Variants in TMCO1 observed in about 807,000 individuals in gnomAD.
TMCO1 encodes transmembrane and coiled-coil domains 1, also known as calcium load-activated calcium channel.
In TMCO1, 29 loss-of-function variants were observed where a neutral mutation model predicts 29.3. The observed-to-expected ratio is 0.99, with a 90% CI of 0.74 to 1.35. The LOEUF (loss-of-function observed/expected upper bound fraction) is 1.35, where lower values mean the gene tolerates loss of function less well. TMCO1 is among the 40% of genes most tolerant of loss of function. The pLI, the probability that TMCO1 is intolerant of heterozygous loss-of-function variation, is 0.00. For missense variants in TMCO1, 173 were observed against 225.5 expected, an observed-to-expected ratio of 0.77 and a Z score of 1.49; for synonymous variants, 80 against 77.1, an observed-to-expected ratio of 1.04 and a Z score of -0.20.
In TMCO1 at chr1:165,756,728, A is replaced by G. The variant is rs1558040381; in HGVS notation, c.209-2454T>C. 1.3e-5 allele frequency among the ~76,000 whole-genome samples: 2 copies of G among 151,900 alleles called. 1 individual carries two copies. Among genetic ancestry groups the G allele is most frequent in the South Asian group, 4.1e-4 (2 of 4,828 alleles). The stretch of plus-strand genomic sequence containing the variant: ...ACATTTTGCTTCTCCGGAACACTGA[A>G]TATTGCTGGCTGCTTCCCTCTTACT... On this transcript the variant is annotated intron_variant, in intron 3 of 6. Coordinates refer to ENST00000367881, the MANE Select transcript of TMCO1 (RefSeq NM_019026.6).
chr1:165,739,784 T>C (rs920607060), intron 6 of TMCO1, among the ~76,000 whole-genome samples: 1 of 151,506 alleles, frequency 6.6e-6, no homozygotes, highest in Non-Finnish European at 1.5e-5. Flanking sequence ...TATTGATCCA[T>C]CACAAGTAAA....
At chr1:165,768,917 G>C (rs1652693001), upstream of TMCO1, 4 of 1,541,520 alleles carry the variant, frequency 2.6e-6, no homozygotes, top group Non-Finnish European at 3.5e-6. Flanking sequence ...CACCGGAAAG[G>C]CTCGTATCGG....
chr1:165,725,922 CTTT>C (rs1385500578), downstream of TMCO1: 1 of 631,586 alleles, frequency 1.6e-6, no homozygotes, highest in Non-Finnish European at 2.9e-6. Flanking sequence ...GTAATCTCTC[CTTT>C]TTAACTTCTC....
intron 6 of TMCO1, among the ~76,000 whole-genome samples, chr1:165,739,573 G>A (rs1366179852): frequency 6.6e-6 from 1 of 152,000 alleles, no homozygotes; most frequent in African/African-American, 2.4e-5. Context: ...ATTTTTTGTA[G>A]AGATGGGGTC....
downstream of TMCO1, chr1:165,726,709 T>C (rs1329279995): frequency 3.7e-5 from 17 of 454,034 alleles, no homozygotes; most frequent in Non-Finnish European, 5.7e-5. Flanking sequence ...CTGTTGACCA[T>C]TGTTTCTTGT....
intron 6 of TMCO1, 88 bp from the exon 7 acceptor site, chr1:165,728,209 T>C: frequency 2.0e-6 from 2 of 993,842 alleles, no homozygotes; most frequent in Non-Finnish European, 3.1e-6. Flanking sequence ...AGGGAACTCA[T>C]ACTCATATAG....
downstream of TMCO1, chr1:165,726,563 G>A (rs564460457): frequency 3.6e-5 from 17 of 468,262 alleles, no homozygotes; most frequent in African/African-American, 2.8e-4. Context: ...AACCTCCCCT[G>A]CCCCAGTTTC....
At position 165,728,027 on chromosome 1, in the gene TMCO1, G is replaced by C; in HGVS notation, c.563C>G (p.Ser188Cys). 1.2e-6 allele frequency: 2 copies of C among 1,605,378 alleles called. No homozygotes were observed. Among genetic ancestry groups the C allele is most frequent in the East Asian group, 2.3e-5 (1 of 44,326 alleles). ...GAAAATAAAGAGTTCTTGAGTTCAA[G>C]AGAACTTCCCAGAAGGAGGTGGTGG... The part of the protein sequence containing the change: ...LGPPPPSGKF[S>C] Residue 188 changes from serine to cysteine, a missense_variant, in exon 7 of 7, where the codon TCT (serine) becomes TGT (cysteine). Physicochemically the swap from Ser to Cys is moderately radical, Grantham distance 112. Coordinates refer to ENST00000367881, the MANE Select transcript of TMCO1 (RefSeq NM_019026.6).
chr1:165,753,920 T>C (rs1652092401), intron 4 of TMCO1, among the ~76,000 whole-genome samples: 1 of 152,160 alleles, frequency 6.6e-6, no homozygotes, highest in East Asian at 1.9e-4. Flanking sequence ...AGATTCAGCA[T>C]TAACGTAAAG....
chr1:165,743,984 C>T (rs767847221), intron 5 of TMCO1, among the ~76,000 whole-genome samples: 1 of 151,818 alleles, frequency 6.6e-6, no homozygotes, highest in Non-Finnish European at 1.5e-5. Context: ...CTCAGCCTCC[C>T]GAGTAGCTGG....
At chr1:165,755,479 A>G (rs1652160613) in intron 3 of TMCO1, among the ~76,000 whole-genome samples, 1 of 152,008 alleles carries the variant, frequency 6.6e-6, no homozygotes, top group African/African-American at 2.4e-5. Flanking sequence ...CCAGGAGTTC[A>G]AGGGCAACAC....
downstream of TMCO1, chr1:165,725,801 C>G (rs772141981): frequency 3.0e-5 from 14 of 461,336 alleles, 1 homozygote; most frequent in South Asian, 1.9e-4. Flanking sequence ...AGTTTTATTT[C>G]CTCTGTAATA....
intron 2 of TMCO1, among the ~76,000 whole-genome samples, chr1:165,761,874 AG>A (rs1402915366): frequency 6.6e-6 from 1 of 152,078 alleles, no homozygotes; most frequent in East Asian, 1.9e-4. Context: ...ATGGAAGCCC[AG>A]GAAGTCAAGA....
chr1:165,724,599 C>A (rs894967573), downstream of TMCO1: 1 of 453,936 alleles, frequency 2.2e-6, no homozygotes, highest in Non-Finnish European at 4.4e-6. Context: ...TGGGGCCCAG[C>A]AGTTTGTGTT....
chr1:165,745,851 A>C (rs1038111347), intron 5 of TMCO1, among the ~76,000 whole-genome samples: 12 of 152,222 alleles, frequency 7.9e-5, no homozygotes, highest in Non-Finnish European at 1.3e-4. Flanking sequence ...CAGAACAAAA[A>C]CATGAATACA....
At chr1:165,754,124 G>A (rs1652099423) in intron 4 of TMCO1, 104 bp downstream of exon 4, 3 of 921,916 alleles carry the variant, frequency 3.3e-6, no homozygotes, top group Non-Finnish European at 5.4e-6. Context: ...AGCCTTCACA[G>A]GTGATAAATT....
chr1:165,754,347 G>T, intron 3 of TMCO1, 73 bp from the exon 4 acceptor site: 3 of 1,204,736 alleles, frequency 2.5e-6, no homozygotes, highest in South Asian at 2.4e-5. Flanking sequence ...AACTGTCACT[G>T]ATTGGTGATT....
At chr1:165,732,645 A>C (rs1250650770) in intron 6 of TMCO1, among the ~76,000 whole-genome samples, 1 of 151,758 alleles carries the variant, frequency 6.6e-6, no homozygotes, top group Non-Finnish European at 1.5e-5. Flanking sequence ...AGATTAATCA[A>C]TTGTAACAAA....
intron 4 of TMCO1, among the ~76,000 whole-genome samples, chr1:165,752,412 C>T (rs910925632): frequency 5.3e-5 from 8 of 151,594 alleles, no homozygotes; most frequent in East Asian, 2.0e-4. Context: ...CCCGCCACCA[C>T]GCTTGGCTGA....
Sources: allele counts gnomAD v4.1 joint callset (sites outside exome capture counted in the v4.1 genomes callset), GRCh38; gene constraint gnomAD v4.1.1; transcripts MANE v1.5; gene names NCBI Gene and HGNC (gene_info 2026-07-23, HGNC 2026-07-21).